TRPS1: variants seen among roughly 807,000 people sequenced by gnomAD.
TRPS1 encodes the protein transcriptional repressor GATA binding 1.
TRPS1 carries 6 observed loss-of-function variants against 101.2 expected under a neutral mutation model. That is an observed-to-expected ratio of 0.06 (90% confidence interval 0.03 to 0.12). The LOEUF (loss-of-function observed/expected upper bound fraction) is 0.12. Among genes scored for constraint, TRPS1 ranks in the 10% least tolerant of loss-of-function variants. The pLI is 1.00. For missense variants in TRPS1, 1,363 were observed against 1,567.0 expected (o/e 0.87, Z 2.20); for synonymous variants, 578 against 589.8 (o/e 0.98, Z 0.29).
chr8:115,574,976 T>C (rs1056912579), intron 5 of TRPS1, among the ~76,000 whole-genome samples: 6 of 152,160 alleles, frequency 3.9e-5, no homozygotes, highest in Non-Finnish European at 8.8e-5. Context: ...TTCAAAATAA[T>C]GGAAGCCAAG....
At chr8:115,516,509 G>A (rs1248090053) in intron 5 of TRPS1, among the ~76,000 whole-genome samples, 1 of 151,552 alleles carries the variant, frequency 6.6e-6, no homozygotes, top group Non-Finnish European at 1.5e-5. Context: ...TTTGGATACG[G>A]ATGATACATA....
intron 5 of TRPS1, among the ~76,000 whole-genome samples, chr8:115,462,865 G>GGGGATATA (rs1814222227): frequency 6.6e-6 from 1 of 152,028 alleles, no homozygotes; most frequent in Non-Finnish European, 1.5e-5. Context: ...TGTGGACAAT[G>GGGGATATA]GGGATATAGC....
chr8:115,549,722 T>C (rs1816660215), intron 5 of TRPS1, among the ~76,000 whole-genome samples: 1 of 151,028 alleles, frequency 6.6e-6, no homozygotes, highest in African/African-American at 2.4e-5. Context: ...AGTTAAGATT[T>C]AAGACACAGG....
In TRPS1 at chr8:115,410,256, TAATA is replaced by T. The variant is rs1812759574; in HGVS notation, c.*3763_*3766del. On this transcript the variant is annotated 3_prime_UTR_variant, in exon 7 of 7. Coordinates refer to ENST00000395715, the MANE Select transcript of TRPS1 (RefSeq NM_014112.5). ...AGGCATTTTAAAATATATATACATT[TAATA>T]TTTTTGGAGCTGTATTTGCATTGGA... The T allele has an allele frequency of 6.6e-6, 1 of 152,488 alleles. No homozygotes were observed. The highest frequency in any genetic ancestry group is 1.5e-5 in the Non-Finnish European group (1 of 67,990). 9.4% of individuals were successfully genotyped at this position (152,488 alleles called of 1,614,324 possible). A position where few individuals can be genotyped will look rare whatever the true frequency, so the allele number is the denominator to read the frequency against.
intron 5 of TRPS1, among the ~76,000 whole-genome samples, chr8:115,441,160 T>C (rs1009072582): frequency 6.6e-6 from 1 of 152,218 alleles, no homozygotes; most frequent in Non-Finnish European, 1.5e-5. Context: ...ATCACTCAGA[T>C]GTTTTAAGTT....
At chr8:115,515,966 G>A (rs528388956) in intron 5 of TRPS1, among the ~76,000 whole-genome samples, 196 of 151,388 alleles carry the variant, frequency 1.3e-3, no homozygotes, top group Middle Eastern at 3.4e-3. Flanking sequence ...ATGATGTTGT[G>A]CAGGACAAAT....
chr8:115,516,896 T>C (rs936928700), intron 5 of TRPS1, among the ~76,000 whole-genome samples: 2 of 151,538 alleles, frequency 1.3e-5, no homozygotes, highest in Non-Finnish European at 3.0e-5. Context: ...ATCTTCTACA[T>C]ATTTTATAAT....
chr8:115,555,633 A>T (rs1268485581), intron 5 of TRPS1, among the ~76,000 whole-genome samples: 1 of 152,124 alleles, frequency 6.6e-6, no homozygotes, highest in African/African-American at 2.4e-5. Flanking sequence ...AGCTCAGGCC[A>T]GTATATTTCC....
intron 5 of TRPS1, among the ~76,000 whole-genome samples, chr8:115,484,937 T>G (rs1019325921): frequency 8.5e-5 from 13 of 152,192 alleles, no homozygotes; most frequent in Admixed American, 7.2e-4. Flanking sequence ...CTCCTTGTAG[T>G]AGGCAGAACT....
intron 5 of TRPS1, among the ~76,000 whole-genome samples, chr8:115,564,704 A>G (rs1817026534): frequency 6.6e-6 from 1 of 152,064 alleles, no homozygotes; most frequent in Non-Finnish European, 1.5e-5. Flanking sequence ...CCCCCTCACA[A>G]TATTGGTACC....
chr8:115,537,552 C>T (rs1816351584), intron 5 of TRPS1, among the ~76,000 whole-genome samples: 1 of 152,010 alleles, frequency 6.6e-6, no homozygotes, highest in Non-Finnish European at 1.5e-5. Flanking sequence ...TATTTAAATA[C>T]CATGTTTACG....
intron 5 of TRPS1, among the ~76,000 whole-genome samples, chr8:115,548,103 G>A (rs1042136796): frequency 6.6e-6 from 1 of 151,614 alleles, no homozygotes; most frequent in Non-Finnish European, 1.5e-5. Flanking sequence ...TGTGGTTGGC[G>A]CATGCCTCTA....
intron 3 of TRPS1, among the ~76,000 whole-genome samples, chr8:115,613,871 T>C (rs1181908805): frequency 1.3e-5 from 2 of 152,228 alleles, no homozygotes; most frequent in Admixed American, 1.3e-4. Flanking sequence ...TGAATCAACT[T>C]AAATGTAAGA....
At chr8:115,477,328 G>A (rs1814631777) in intron 5 of TRPS1, among the ~76,000 whole-genome samples, 1 of 152,188 alleles carries the variant, frequency 6.6e-6, no homozygotes, top group Admixed American at 6.5e-5. Flanking sequence ...TGTGCCAGTA[G>A]TACCAATGTC....
At chr8:115,533,900 A>C (rs1816213722) in intron 5 of TRPS1, among the ~76,000 whole-genome samples, 1 of 152,102 alleles carries the variant, frequency 6.6e-6, no homozygotes, top group African/African-American at 2.4e-5. Flanking sequence ...GTCTCTTCAT[A>C]TAAGCCTACT....
At chr8:115,438,071 A>C (rs935198176) in intron 5 of TRPS1, among the ~76,000 whole-genome samples, 3 of 152,208 alleles carry the variant, frequency 2.0e-5, no homozygotes, top group African/African-American at 7.2e-5. Context: ...CACATACACA[A>C]GAGTCAAATT....
rs200617303 is a variant in TRPS1, at chr8:115,414,151, T to C, written c.3757A>G (p.Ser1253Gly). The C allele has an allele frequency of 1.7e-4, 271 of 1,613,950 alleles. 2 individuals carry two copies. The highest frequency in any genetic ancestry group is 8.5e-7 in the Non-Finnish European group (1 of 1,179,952). Residue 1253 changes from serine (S) to glycine (G), a missense_variant, in exon 7 of 7, where the codon AGT becomes GGT. Physicochemically the swap from Ser to Gly is moderately conservative, Grantham distance 56. Coordinates refer to ENST00000395715, the MANE Select transcript of TRPS1 (RefSeq NM_014112.5). The surrounding 1 kb of genome is among the most constrained non-coding windows in gnomAD (Gnocchi z 4.8). ...YALHMSCHGD[S>G]GPFQCSICQH... ...CATATGCTGCACTGGAAAGGTCCAC[T>C]GTCACCATGGCAACTCATATGCAAA...
rs566486414 is a variant in TRPS1, at chr8:115,583,465, A to G, written c.2700+3536T>C. ...TAAATAAAAACACTGGGTTTTCAAA[A>G]TATTATTAGTAAATGTTGGTAACCA... On this transcript the variant is annotated intron_variant, in intron 5 of 6. Coordinates refer to ENST00000395715, the MANE Select transcript of TRPS1 (RefSeq NM_014112.5). Among the ~76,000 whole-genome samples, 6 of 152,210 alleles carry G rather than the reference A, an allele frequency of 3.9e-5. No homozygotes were observed. The South Asian group carries it at 1.2e-3, about 32-fold the overall frequency.
At chr8:115,453,191 T>C (rs993464540) in intron 5 of TRPS1, among the ~76,000 whole-genome samples, 1 of 152,080 alleles carries the variant, frequency 6.6e-6, no homozygotes, top group Non-Finnish European at 1.5e-5. Flanking sequence ...CAGCTACCTT[T>C]TGTATTTTTA....
Sources: allele counts gnomAD v4.1 joint callset (sites outside exome capture counted in the v4.1 genomes callset), GRCh38; gene constraint gnomAD v4.1.1; non-coding constraint Gnocchi (gnomAD v3.1); transcripts MANE v1.5; gene names NCBI Gene and HGNC (gene_info 2026-07-23, HGNC 2026-07-21).